The following ARB2A variants were observed in gnomAD, a reference collection of about 807,000 sequenced individuals.
ARB2A encodes ARB2 cotranscriptional regulator A, also known as cotranscriptional regulator ARB2A.
At chr5:94,099,624 CAAAAAAAAAAA>C in the ARB2A span, among the ~76,000 whole-genome samples, 14 of 13,656 alleles carry the variant, frequency 1.0e-3, no homozygotes, top group Middle Eastern at 0.05. Context: ...GACTCCGTCT[CAAAAAAAAAAA>C]AAAAAAAAAA....
the ARB2A span, among the ~76,000 whole-genome samples, chr5:93,702,229 C>G: frequency 2.6e-5 from 4 of 152,100 alleles, no homozygotes; most frequent in East Asian, 7.7e-4. Context: ...AAAGGAAGAA[C>G]AGAATTTTGC....
At chr5:93,902,399 T>C in the ARB2A span, among the ~76,000 whole-genome samples, 2 of 152,052 alleles carry the variant, frequency 1.3e-5, no homozygotes, top group Non-Finnish European at 2.9e-5. Context: ...AGTAAAAAAG[T>C]GAATAGTAAG....
chr5:93,753,423 G>A, the ARB2A span, among the ~76,000 whole-genome samples: 1 of 152,150 alleles, frequency 6.6e-6, no homozygotes, highest in South Asian at 2.1e-4. Flanking sequence ...AAAAATTAGG[G>A]TTACATTAGC....
chr5:93,875,513 G>T, the ARB2A span, among the ~76,000 whole-genome samples: 93 of 152,112 alleles, frequency 6.1e-4, no homozygotes, highest in Non-Finnish European at 1.2e-3. Flanking sequence ...TTACAGGCGT[G>T]AGCCACTGCA....
chr5:93,997,998 T>TACACACAC, the ARB2A span, among the ~76,000 whole-genome samples: 2 of 149,898 alleles, frequency 1.3e-5, no homozygotes, highest in Non-Finnish European at 3.0e-5. Flanking sequence ...TGTGTGTCTA[T>TACACACAC]ACACACACAC....
chr5:93,690,669 A>G, the ARB2A span, among the ~76,000 whole-genome samples: 1 of 152,144 alleles, frequency 6.6e-6, no homozygotes, highest in Non-Finnish European at 1.5e-5. Flanking sequence ...CTCTGAAGAG[A>G]GCAGCAGATC....
chr5:93,686,065 CA>C, the ARB2A span, among the ~76,000 whole-genome samples: 1 of 152,160 alleles, frequency 6.6e-6, no homozygotes, highest in African/African-American at 2.4e-5. Flanking sequence ...GCTGCTATCA[CA>C]TATTAAAAAA....
chr5:94,100,292 C>T, the ARB2A span, among the ~76,000 whole-genome samples: 2 of 151,936 alleles, frequency 1.3e-5, no homozygotes, highest in African/African-American at 2.4e-5. Flanking sequence ...AGAGATGACA[C>T]GCAAATAAAT....
chr5:93,620,720 G>A, the ARB2A span: 4 of 339,124 alleles, frequency 1.2e-5, no homozygotes, highest in Admixed American at 1.5e-4. Flanking sequence ...GAGCCAGGCA[G>A]GGCGCTGTCA....
chr5:93,936,706 T>G, the ARB2A span, among the ~76,000 whole-genome samples: 1 of 152,176 alleles, frequency 6.6e-6, no homozygotes, highest in African/African-American at 2.4e-5. Flanking sequence ...TTATATTCTT[T>G]CTTTTAAACC....
the ARB2A span, among the ~76,000 whole-genome samples, chr5:93,774,857 G>A: frequency 6.6e-6 from 1 of 152,124 alleles, no homozygotes; most frequent in Non-Finnish European, 1.5e-5. Context: ...ATATTGATTG[G>A]CTGACAAAAA....
At chr5:93,663,006 C>G in the ARB2A span, among the ~76,000 whole-genome samples, 2 of 152,136 alleles carry the variant, frequency 1.3e-5, no homozygotes, top group Non-Finnish European at 2.9e-5. Context: ...GAGGGACAAA[C>G]TCCCTCCATC....
chr5:93,699,699 C>T, the ARB2A span, among the ~76,000 whole-genome samples: 1 of 151,998 alleles, frequency 6.6e-6, no homozygotes, highest in Non-Finnish European at 1.5e-5. Context: ...AGACAACAGC[C>T]TGGTTTCTGC....
the ARB2A span, among the ~76,000 whole-genome samples, chr5:93,689,308 T>G: frequency 7.9e-5 from 12 of 152,230 alleles, no homozygotes; most frequent in Admixed American, 3.9e-4. Context: ...GCAGGGGCTG[T>G]ACTTGTTGTG....
chr5:94,022,958 G>A, the ARB2A span, among the ~76,000 whole-genome samples: 2 of 152,206 alleles, frequency 1.3e-5, no homozygotes, highest in Non-Finnish European at 1.5e-5. Context: ...GAGGATACAA[G>A]TATGACCATA....
the ARB2A span, among the ~76,000 whole-genome samples, chr5:93,876,206 G>T: frequency 6.6e-6 from 1 of 152,134 alleles, no homozygotes; most frequent in African/African-American, 2.4e-5. Flanking sequence ...TGCTCAAAAA[G>T]AAACTAAATT....
the ARB2A span, among the ~76,000 whole-genome samples, chr5:93,625,899 T>C: frequency 6.6e-6 from 1 of 152,216 alleles, no homozygotes. Flanking sequence ...TTACTGCATC[T>C]TCTGTCTTAT....
At chr5:93,735,488 G>A in the ARB2A span, 5 of 152,316 alleles carry the variant, frequency 3.3e-5, no homozygotes, top group Admixed American at 3.3e-4. Flanking sequence ...AAGAACTGAA[G>A]GAGCAGCTGA....
chr5:93,716,881 G>A, the ARB2A span, among the ~76,000 whole-genome samples: 1 of 151,872 alleles, frequency 6.6e-6, no homozygotes, highest in African/African-American at 2.4e-5. Flanking sequence ...TATAAATTCA[G>A]AGTTGAAGTT....
Sources: gnomAD v4.1 joint callset for allele counts (sites outside exome capture counted in the v4.1 genomes callset) on GRCh38, gnomAD v4.1.1 for gene constraint, MANE v1.5 for transcripts, NCBI Gene and HGNC (gene_info 2026-07-23, HGNC 2026-07-21) for gene names.